Variants in SYT17 observed in about 807,000 individuals in gnomAD.
SYT17 encodes synaptotagmin-17.
In SYT17, 22 loss-of-function variants were observed where a neutral mutation model predicts 46.7. That is an observed-to-expected ratio of 0.47 (90% CI 0.34 to 0.67). The LOEUF (loss-of-function observed/expected upper bound fraction) is 0.67, where lower values mean the gene tolerates loss of function less well. Among genes scored for constraint, SYT17 ranks in the 30% least tolerant of loss-of-function variants. SYT17 has a pLI of 0.01. For synonymous variants in SYT17, 251 were observed against 248.4 expected, an observed-to-expected ratio of 1.01 and a Z score of -0.10; for missense variants, 519 against 612.8, an observed-to-expected ratio of 0.85 and a Z score of 1.62.
chr16:19,180,353 T>C, intron 3 of SYT17, 38 bp from the exon 4 acceptor site: 1 of 1,610,698 alleles, frequency 6.2e-7, no homozygotes, highest in East Asian at 2.2e-5. Context: ...TCCCCGGGGA[T>C]TCCTGGACAG....
At position 19,267,131 on chromosome 16, in the gene SYT17, A is replaced by AAT; in HGVS notation, c.*56_*57insTA. ...TTAAAAAAAAAAAAAAAAGACGGAA[A>AAT]AAAATGTGTCACATACTATTACATC... On this transcript the variant is annotated 3_prime_UTR_variant, in exon 8 of 8. Transcript: ENST00000355377. 1 of 1,399,470 alleles carries AAT rather than the reference A, an allele frequency of 7.1e-7. No individual in the cohort carries two copies. The highest frequency in any genetic ancestry group is 9.5e-7 in the Non-Finnish European group (1 of 1,049,534). 86.7% of individuals were successfully genotyped at this position (1,399,470 alleles called of 1,614,324 possible).
chr16:19,229,464 T>G (rs1207153299), intron 7 of SYT17, among the ~76,000 whole-genome samples: 1 of 152,036 alleles, frequency 6.6e-6, no homozygotes, highest in Middle Eastern at 3.2e-3. Context: ...TCAGGAGAAC[T>G]CACTCACTAT....
At chr16:19,208,456 A>G (rs1036801697) in intron 5 of SYT17, among the ~76,000 whole-genome samples, 1 of 152,196 alleles carries the variant, frequency 6.6e-6, no homozygotes, top group Non-Finnish European at 1.5e-5. Context: ...CTTACATGGC[A>G]GCAGGAGAGT....
In SYT17 at chr16:19,180,588, G is replaced by C; in HGVS notation, c.331+49G>C. ...CTGGGGGCCCTGGCTGGCTTTCCCA[G>C]ACACTCTCCCACGGAGAGTCATGAA... On this transcript the variant is annotated intron_variant, in intron 4 of 7. Transcript: ENST00000355377. The C allele has an allele frequency of 3.1e-6, 5 of 1,609,418 alleles. No individual in the cohort carries two copies. The Admixed American group carries it at 5.0e-5, about 16-fold the overall frequency.
intron 5 of SYT17, among the ~76,000 whole-genome samples, chr16:19,220,950 G>T (rs1411555942): frequency 1.3e-5 from 2 of 151,950 alleles, no homozygotes; most frequent in Non-Finnish European, 2.9e-5. Flanking sequence ...CCAACAGTTT[G>T]GGAGGCTAAG....
chr16:19,190,768 C>CTGTGTGTG (rs56947560), intron 5 of SYT17, among the ~76,000 whole-genome samples: 14 of 144,722 alleles, frequency 9.7e-5, no homozygotes, highest in African/African-American at 3.1e-4. Flanking sequence ...AATAATATTC[C>CTGTGTGTG]TGTGTGTGTG....
chr16:19,233,561 T>G (rs1596993619), intron 7 of SYT17, among the ~76,000 whole-genome samples: 2 of 151,130 alleles, frequency 1.3e-5, no homozygotes, highest in African/African-American at 4.9e-5. Context: ...GAGGCTGAGG[T>G]GGGAGGATCA....
chr16:19,224,617 C>A, intron 6 of SYT17, 66 bp from the exon 7 acceptor site: 1 of 1,550,598 alleles, frequency 6.4e-7, no homozygotes, highest in Non-Finnish European at 8.8e-7. Context: ...GGTTGAATGG[C>A]AGAATGACTG....
intron 5 of SYT17, among the ~76,000 whole-genome samples, chr16:19,195,059 C>G (rs1328190704): frequency 6.6e-6 from 1 of 152,186 alleles, no homozygotes; most frequent in African/African-American, 2.4e-5. Flanking sequence ...GAACTTGGGT[C>G]TAACTCCTAG....
chr16:19,225,934 C>T (rs987308772), intron 7 of SYT17, among the ~76,000 whole-genome samples: 8 of 152,164 alleles, frequency 5.3e-5, no homozygotes, highest in Non-Finnish European at 1.2e-4. Context: ...AGCCCACACT[C>T]AAGAGGAAGG....
rs1454188185 is a variant in SYT17 at position 19,264,242 on chromosome 16, G to T, written c.1229-2638G>T. On this transcript the variant is annotated intron_variant, in intron 7 of 7. Transcript: ENST00000355377. ...CAGTTTATGGCATTTTGTTACAGCG[G>T]CCTGAATGGACTAAGACATCAACTC... Among the ~76,000 whole-genome samples the T allele has an allele frequency of 2.0e-5, 3 of 152,174 alleles. No homozygotes were observed. In the East Asian group the frequency reaches 5.8e-4, roughly 29 times the overall value.
At chr16:19,181,143 A>G (rs1044404198) in intron 4 of SYT17, among the ~76,000 whole-genome samples, 1 of 152,196 alleles carries the variant, frequency 6.6e-6, no homozygotes, top group African/African-American at 2.4e-5. Flanking sequence ...GATATTGGCA[A>G]TCTGGGTTTT....
chr16:19,265,351 A>G (rs189624159), intron 7 of SYT17, among the ~76,000 whole-genome samples: 2 of 152,354 alleles, frequency 1.3e-5, no homozygotes, highest in East Asian at 3.9e-4. Flanking sequence ...ATTTTTCTCC[A>G]CAGAGCTGAC....
chr16:19,183,883 C>T lies in SYT17; in HGVS notation c.687C>T (p.Pro229=). 1 of 1,614,232 alleles carries T rather than the reference C, an allele frequency of 6.2e-7. No homozygotes were observed. Among genetic ancestry groups the T allele is most frequent in the Non-Finnish European group, 8.5e-7 (1 of 1,180,046 alleles). The change falls in exon 5 of 8, where the codon CCC becomes CCT. Residue 229 remains proline (P), a synonymous_variant. Transcript: ENST00000355377. This position sits in a 1 kb window ranked among gnomAD's most constrained non-coding sequence, Gnocchi z 5.6. ...GCCAGGACATGGCGCACTCCAACCC[C>T]TACGTCAAGATCTGTCTCCTGCCAG... ...GSRQDMAHSN[P]YVKICLLPDQ...
Position 19,267,210 on chromosome 16 carries a change from C to T in SYT17, c.*134C>T, listed in dbSNP as rs1351851891. 2 of 769,080 alleles carry T rather than the reference C, an allele frequency of 2.6e-6. No homozygotes were observed. Among genetic ancestry groups the T allele is most frequent in the Non-Finnish European group, 4.0e-6 (2 of 502,796 alleles). 47.6% of individuals were successfully genotyped at this position (769,080 alleles called of 1,614,324 possible). ...CTACACACGTCCACACACACAGACA[C>T]ACAGATACCCCAAATCCTCTCAGAA... On this transcript the variant is annotated 3_prime_UTR_variant, in exon 8 of 8. Transcript: ENST00000355377.
At chr16:19,218,388 G>C (rs1966176427) in intron 5 of SYT17, among the ~76,000 whole-genome samples, 1 of 152,170 alleles carries the variant, frequency 6.6e-6, no homozygotes, top group Admixed American at 6.5e-5. Context: ...ACAGTGGCCG[G>C]ATCAATGGGA....
At chr16:19,199,906 CT>C (rs1965395891) in intron 5 of SYT17, among the ~76,000 whole-genome samples, 1 of 152,250 alleles carries the variant, frequency 6.6e-6, no homozygotes, top group Non-Finnish European at 1.5e-5. Flanking sequence ...TAAATCTGGG[CT>C]GTAAGCCCTT....
chr16:19,251,225 A>G (rs1435015811), intron 7 of SYT17, among the ~76,000 whole-genome samples: 1 of 152,170 alleles, frequency 6.6e-6, no homozygotes, highest in Non-Finnish European at 1.5e-5. Context: ...CTCACTCATA[A>G]AAGGTCATCA....
intron 3 of SYT17, among the ~76,000 whole-genome samples, chr16:19,174,964 A>G (rs1013355879): frequency 6.6e-6 from 1 of 152,024 alleles, no homozygotes; most frequent in African/African-American, 2.4e-5. Flanking sequence ...CCCCATCTCG[A>G]CAAAACATCA....
Sources: gnomAD v4.1 joint callset for allele counts (sites outside exome capture counted in the v4.1 genomes callset) on GRCh38, gnomAD v4.1.1 for gene constraint, Gnocchi (gnomAD v3.1) non-coding constraint, MANE v1.5 for transcripts, NCBI Gene and HGNC (gene_info 2026-07-23, HGNC 2026-07-21) for gene names.